Variants in ROBO1 observed in about 807,000 individuals in gnomAD.
ROBO1 encodes roundabout guidance receptor 1.
Under a neutral mutation model 195.9 loss-of-function variants are expected in ROBO1, and 149 were observed. The ratio of observed to expected loss-of-function variants is 0.76; its 90% confidence interval spans 0.67 to 0.87. ROBO1 has a LOEUF of 0.87. ROBO1 is among the 40% of genes least tolerant of loss of function. ROBO1 has a pLI of 0.00. For synonymous variants in ROBO1, 816 were observed against 733.2 expected (o/e 1.11, Z -1.82); for missense variants, 1,933 against 2,068.3 (o/e 0.93, Z 1.27).
At chr3:78,711,373 TCC>T (rs1559773147) in intron 8 of ROBO1, among the ~76,000 whole-genome samples, 494 of 26,046 alleles carry the variant, frequency 0.019, 4 homozygotes, top group Non-Finnish European at 0.032. Flanking sequence ...CTTCCTTCCT[TCC>T]TTCCTTCCTT....
chr3:79,344,716 TA>T (rs2035043677), intron 2 of ROBO1, among the ~76,000 whole-genome samples: 1 of 152,028 alleles, frequency 6.6e-6, no homozygotes, highest in Non-Finnish European at 1.5e-5. Flanking sequence ...TGCATATATA[TA>T]TATGGAGAGA....
intron 2 of ROBO1, among the ~76,000 whole-genome samples, chr3:79,164,911 T>C (rs1374340624): frequency 6.6e-6 from 1 of 152,202 alleles, no homozygotes; most frequent in African/African-American, 2.4e-5. Flanking sequence ...TTCTCAAATA[T>C]TACCTTGGCA....
At chr3:79,061,661 C>A (rs530527178) in intron 3 of ROBO1, among the ~76,000 whole-genome samples, 4 of 152,030 alleles carry the variant, frequency 2.6e-5, no homozygotes, top group Non-Finnish European at 5.9e-5. Context: ...ATATATAGAC[C>A]AATGGAACAG....
chr3:79,092,796 T>C (rs1399987049), intron 3 of ROBO1, among the ~76,000 whole-genome samples: 1 of 152,090 alleles, frequency 6.6e-6, no homozygotes, highest in Non-Finnish European at 1.5e-5. Flanking sequence ...CCCAGGATAT[T>C]TGAAACCCAG....
intron 1 of ROBO1, among the ~76,000 whole-genome samples, chr3:79,735,676 C>T (rs1188329561): frequency 2.0e-5 from 3 of 152,112 alleles, no homozygotes; most frequent in Admixed American, 2.0e-4. Flanking sequence ...CGAGACCATC[C>T]TGGCTAACAG....
intron 3 of ROBO1, among the ~76,000 whole-genome samples, chr3:79,123,890 T>G (rs1384605522): frequency 6.6e-6 from 1 of 152,104 alleles, no homozygotes; most frequent in East Asian, 1.9e-4. Context: ...AATGCATTGT[T>G]ATTTAAATTC....
At chr3:79,714,612 A>G (rs1020579203) in intron 1 of ROBO1, among the ~76,000 whole-genome samples, 5 of 151,836 alleles carry the variant, frequency 3.3e-5, no homozygotes, top group African/African-American at 1.2e-4. Context: ...ATGTCCAACA[A>G]TGATAGACTG....
At chr3:79,363,341 A>G (rs1051608151) in intron 2 of ROBO1, among the ~76,000 whole-genome samples, 24 of 152,192 alleles carry the variant, frequency 1.6e-4, no homozygotes, top group African/African-American at 5.8e-4. Flanking sequence ...CTAATTCAAC[A>G]TGATCACAAA....
At chr3:78,966,732 T>C (rs1345665383) in intron 3 of ROBO1, among the ~76,000 whole-genome samples, 1 of 152,232 alleles carries the variant, frequency 6.6e-6, no homozygotes, top group African/African-American at 2.4e-5. Context: ...TCCTTAGAAA[T>C]GACTGGAAAA....
At chr3:78,789,065 T>G (rs565971708) in intron 4 of ROBO1, among the ~76,000 whole-genome samples, 36 of 152,280 alleles carry the variant, frequency 2.4e-4, no homozygotes, top group Middle Eastern at 3.4e-3. Context: ...TTATGCAAAA[T>G]AATAAGCCTT....
chr3:79,600,200 C>T (rs935108669), intron 1 of ROBO1, among the ~76,000 whole-genome samples: 58 of 152,040 alleles, frequency 3.8e-4, no homozygotes, highest in African/African-American at 1.0e-3. Flanking sequence ...CAGTTGCAGA[C>T]GTATTTTTCT....
At chr3:78,693,062 A>G in intron 8 of ROBO1, 1 of 356,918 alleles carries the variant, frequency 2.8e-6, no homozygotes, top group Non-Finnish European at 5.0e-6. Flanking sequence ...ACCAAGATGT[A>G]ATCCTATCAC....
At chr3:78,735,230 G>A (rs545079467) in intron 5 of ROBO1, among the ~76,000 whole-genome samples, 9 of 152,262 alleles carry the variant, frequency 5.9e-5, no homozygotes, top group East Asian at 5.8e-4. Context: ...CAAGACAGGA[G>A]AACTTAAAAT....
At chr3:79,047,147 G>C (rs2108352463) in intron 3 of ROBO1, among the ~76,000 whole-genome samples, 1 of 152,136 alleles carries the variant, frequency 6.6e-6, no homozygotes, top group East Asian at 1.9e-4. Flanking sequence ...CTCAGGAGGA[G>C]GTGAGAGCCT....
chr3:79,256,486 T>C (rs190092206), intron 2 of ROBO1, among the ~76,000 whole-genome samples: 330 of 152,232 alleles, frequency 2.2e-3, no homozygotes, highest in African/African-American at 6.1e-3. Context: ...TCCATAAATG[T>C]GGAATGAGGA....
At chr3:78,681,921 G>A (rs915569293) in intron 10 of ROBO1, among the ~76,000 whole-genome samples, 11 of 152,106 alleles carry the variant, frequency 7.2e-5, no homozygotes, top group African/African-American at 2.7e-4. Context: ...AGCATGGCAA[G>A]CACAATGATT....
At chr3:79,411,215 A>G (rs1054260567) in intron 2 of ROBO1, among the ~76,000 whole-genome samples, 6 of 152,174 alleles carry the variant, frequency 3.9e-5, no homozygotes, top group Non-Finnish European at 8.8e-5. Context: ...GACATTGACT[A>G]TTCTTGCCAG....
At chr3:79,718,727 T>C (rs1702586234) in intron 1 of ROBO1, among the ~76,000 whole-genome samples, 1 of 151,980 alleles carries the variant, frequency 6.6e-6, no homozygotes, top group South Asian at 2.1e-4. Flanking sequence ...AGGTTAGAAG[T>C]AAAATTTAAA....
intron 3 of ROBO1, among the ~76,000 whole-genome samples, chr3:79,015,696 G>A (rs1027028755): frequency 6.6e-6 from 1 of 152,074 alleles, no homozygotes; most frequent in Non-Finnish European, 1.5e-5. Flanking sequence ...ATTTCTGAAG[G>A]AATAACCACT....
Sources: gnomAD v4.1 joint callset for allele counts (sites outside exome capture counted in the v4.1 genomes callset) on GRCh38, gnomAD v4.1.1 for gene constraint, MANE v1.5 for transcripts, NCBI Gene and HGNC (gene_info 2026-07-23, HGNC 2026-07-21) for gene names.